Variants in RPS6KA2 observed in about 807,000 individuals in gnomAD.
The protein encoded by RPS6KA2 is ribosomal protein S6 kinase A2.
Under a neutral mutation model 91.8 loss-of-function variants are expected in RPS6KA2, and 42 were observed. The observed-to-expected ratio is 0.46, with a 90% CI of 0.36 to 0.59. The LOEUF is 0.59. RPS6KA2 is among the 20% of genes least tolerant of loss of function. The pLI, the probability that RPS6KA2 is intolerant of heterozygous loss-of-function variation, is 0.00. For missense variants in RPS6KA2, 798 were observed against 978.5 expected (o/e 0.82, Z 2.46); for synonymous variants, 414 against 393.6 (o/e 1.05, Z -0.61).
At chr6:166,472,753 G>A (rs377392614) in intron 10 of RPS6KA2, among the ~76,000 whole-genome samples, 5 of 152,162 alleles carry the variant, frequency 3.3e-5, no homozygotes, top group African/African-American at 9.7e-5. Flanking sequence ...AAGGTATCAG[G>A]CTGATGCTGG....
chr6:166,542,699 C>T (rs993967593), intron 1 of RPS6KA2, among the ~76,000 whole-genome samples: 13 of 152,198 alleles, frequency 8.5e-5, no homozygotes, highest in Admixed American at 3.3e-4. Flanking sequence ...CTGGGAGCGG[C>T]TGGGAAGTGG....
chr6:166,709,382 C>G (rs1789782281), intron 2 of RPS6KA2, among the ~76,000 whole-genome samples: 1 of 150,690 alleles, frequency 6.6e-6, no homozygotes, highest in Admixed American at 6.6e-5. Context: ...CATCCCGGCA[C>G]TTTGGGTGGC....
At chr6:166,810,528 T>TA (rs554277610) in intron 2 of RPS6KA2, among the ~76,000 whole-genome samples, 11 of 151,168 alleles carry the variant, frequency 7.3e-5, no homozygotes, top group Non-Finnish European at 1.0e-4. Context: ...CACTTGAGGC[T>TA]AAAAAAAAAG....
chr6:166,508,304 A>G lies in RPS6KA2; in HGVS notation c.380-22T>C. 2 of 1,512,986 alleles carry G rather than the reference A, an allele frequency of 1.3e-6. No homozygotes were observed. The highest frequency in any genetic ancestry group is 1.8e-6 in the Non-Finnish European group (2 of 1,088,282). The allele number at this position is 1,512,986 out of a possible 1,614,324, so 93.7% of individuals were successfully genotyped here. A position where few individuals can be genotyped will look rare whatever the true frequency, so the allele number is the denominator to read the frequency against. On this transcript the variant is annotated intron_variant, in intron 4 of 20. Coordinates refer to ENST00000265678, the MANE Select transcript of RPS6KA2 (RefSeq NM_021135.6). This position sits in a 1 kb window ranked among gnomAD's most constrained non-coding sequence, Gnocchi z 4.3. ...AAGGCTGTGGGGGACAGAGACCCGC[A>G]TTTTGACAGCTTGTCGAATGTCCTG...
chr6:166,647,982 A>T lies in RPS6KA2; in HGVS notation c.124-109198T>A, dbSNP rs570689065. 5.0e-3 allele frequency among the ~76,000 whole-genome samples: 518 copies of T among 104,078 alleles called. 2 individuals are homozygous for T. The highest frequency in any genetic ancestry group is 6.9e-3 in the Non-Finnish European group (368 of 53,034). The allele number at this position is 104,078 out of a possible 152,430, so 68.3% of individuals were successfully genotyped here. A position where few individuals can be genotyped will look rare whatever the true frequency, so the allele number is the denominator to read the frequency against. ...TGCTTACATACATACACACATGCTCACACACACGCACATGCTCACACACGC... is the reference window on the plus strand; with the variant it reads ...TGCTTACATACATACACACATGCTCTCACACACGCACATGCTCACACACGC... On this transcript the variant is annotated intron_variant, in intron 2 of 21. Transcript: ENST00000503859.
chr6:166,724,120 A>T (rs1390564681), intron 2 of RPS6KA2, among the ~76,000 whole-genome samples: 2 of 152,282 alleles, frequency 1.3e-5, no homozygotes, highest in Non-Finnish European at 2.9e-5. Context: ...ATACACATGC[A>T]CATGTATGGA....
At chr6:166,763,164 C>A (rs928626416) in intron 2 of RPS6KA2, among the ~76,000 whole-genome samples, 1 of 152,200 alleles carries the variant, frequency 6.6e-6, no homozygotes, top group Non-Finnish European at 1.5e-5. Context: ...GGTTTGGTTT[C>A]CAGACTTAGC....
intron 4 of RPS6KA2, among the ~76,000 whole-genome samples, chr6:166,509,126 G>A (rs1782373294): frequency 6.6e-6 from 1 of 152,152 alleles, no homozygotes; most frequent in Non-Finnish European, 1.5e-5. Context: ...ATAAATGTGG[G>A]GGTTTTAGAA....
intron 2 of RPS6KA2, among the ~76,000 whole-genome samples, chr6:166,538,149 T>C (rs1783539434): frequency 6.6e-6 from 1 of 152,222 alleles, no homozygotes; most frequent in South Asian, 2.1e-4. Context: ...GTAGGTTTTA[T>C]CCTTTCCATT....
At chr6:166,764,637 T>G (rs1778259968) in intron 2 of RPS6KA2, among the ~76,000 whole-genome samples, 1 of 151,896 alleles carries the variant, frequency 6.6e-6, no homozygotes, top group South Asian at 2.1e-4. Flanking sequence ...CCACATTGAG[T>G]GTGGCTGCAC....
At chr6:166,796,761 C>T (rs560706244) in intron 2 of RPS6KA2, among the ~76,000 whole-genome samples, 11 of 152,312 alleles carry the variant, frequency 7.2e-5, no homozygotes, top group African/African-American at 2.6e-4. Context: ...ACTGCACAGT[C>T]CTGAGTGCAC....
At chr6:166,834,830 A>ATTTATTTAT (rs1554261763) in intron 2 of RPS6KA2, among the ~76,000 whole-genome samples, 1 of 65,552 alleles carries the variant, frequency 1.5e-5, no homozygotes, top group South Asian at 3.6e-4. Context: ...ATGGCGTCCT[A>ATTTATTTAT]TTATTTATTT....
intron 2 of RPS6KA2, among the ~76,000 whole-genome samples, chr6:166,720,392 TA>T (rs770984530): frequency 2.9e-4 from 44 of 152,310 alleles, no homozygotes; most frequent in Admixed American, 8.5e-4. Context: ...GTCACCTAAA[TA>T]AAAGAATGGA....
rs1779907208 is a variant in RPS6KA2, at chr6:166,821,649, C to T, written c.123+36551G>A. Among the ~76,000 whole-genome samples, 1 of 152,062 alleles carries T rather than the reference C, an allele frequency of 6.6e-6. No individual in the cohort carries two copies. Among genetic ancestry groups the T allele is most frequent in the Non-Finnish European group, 1.5e-5 (1 of 67,994 alleles). On this transcript the variant is annotated intron_variant, in intron 2 of 21. Coordinates refer to the RPS6KA2 transcript ENST00000503859. This position sits in a 1 kb window ranked among gnomAD's most constrained non-coding sequence, Gnocchi z 4.1. ...ATTCCCTTTCACTATTGCTGTGCCCCAGATTTCCACTCGGAGCCCTCATCC... is the reference window on the plus strand; with the variant it reads ...ATTCCCTTTCACTATTGCTGTGCCCTAGATTTCCACTCGGAGCCCTCATCC...
rs1788279153 is a variant in RPS6KA2, at chr6:166,665,147, A to C, written c.124-126363T>G. 6.6e-6 allele frequency among the ~76,000 whole-genome samples: 1 copy of C among 151,886 alleles called. No individual in the cohort carries two copies. Among genetic ancestry groups the C allele is most frequent in the Non-Finnish European group, 1.5e-5 (1 of 68,022 alleles). ...AGTCTCATAGCTGTCAGGGTGTTCA[A>C]GTTCTGCCTTCCATACAGAACAACA... On this transcript the variant is annotated intron_variant, in intron 2 of 21. Coordinates refer to the RPS6KA2 transcript ENST00000503859. This position sits in a 1 kb window ranked among gnomAD's most constrained non-coding sequence, Gnocchi z 4.5.
chr6:166,817,235 T>G (rs1779788735), intron 2 of RPS6KA2, among the ~76,000 whole-genome samples: 2 of 152,188 alleles, frequency 1.3e-5, no homozygotes, highest in African/African-American at 4.8e-5. Flanking sequence ...AGCTCTAAAT[T>G]TGAAAATGTT....
chr6:166,428,941 T>C (rs1295977127), intron 16 of RPS6KA2, among the ~76,000 whole-genome samples: 3 of 151,140 alleles, frequency 2.0e-5, no homozygotes, highest in African/African-American at 7.3e-5. Flanking sequence ...ACTGGGTATA[T>C]ACCCAAAGGA....
chr6:166,744,284 C>A (rs1201260631), intron 2 of RPS6KA2, among the ~76,000 whole-genome samples: 1 of 152,136 alleles, frequency 6.6e-6, no homozygotes, highest in East Asian at 1.9e-4. Context: ...CCCTGGCTCT[C>A]CAACTGGGAG....
intron 2 of RPS6KA2, among the ~76,000 whole-genome samples, chr6:166,806,323 A>G (rs1161447041): frequency 6.6e-6 from 1 of 152,232 alleles, no homozygotes; most frequent in Non-Finnish European, 1.5e-5. Context: ...ACTAAGACAC[A>G]TTATAATCAA....
Sources: allele counts gnomAD v4.1 joint callset (sites outside exome capture counted in the v4.1 genomes callset), GRCh38; gene constraint gnomAD v4.1.1; non-coding constraint Gnocchi (gnomAD v3.1); transcripts MANE v1.5; gene names NCBI Gene and HGNC (gene_info 2026-07-23, HGNC 2026-07-21).